The following MAGI2 variants were observed in gnomAD, a reference collection of about 807,000 sequenced individuals.
The protein encoded by MAGI2 is membrane-associated guanylate kinase, WW and PDZ domain-containing protein 2.
Under a neutral mutation model 133.3 loss-of-function variants are expected in MAGI2, and 35 were observed. The observed-to-expected ratio is 0.26, with a 90% CI of 0.20 to 0.35. MAGI2 has a LOEUF of 0.35. Among genes scored for constraint, MAGI2 ranks in the 10% least tolerant of loss-of-function variants. The pLI, the probability that MAGI2 is intolerant of heterozygous loss-of-function variation, is 1.00. For missense variants in MAGI2, 1,636 were observed against 1,863.4 expected, an observed-to-expected ratio of 0.88 and a Z score of 2.25; for synonymous variants, 729 against 710.6, an observed-to-expected ratio of 1.03 and a Z score of -0.41.
At chr7:78,538,485 G>T (rs1007327165) in intron 3 of MAGI2, among the ~76,000 whole-genome samples, 1 of 152,182 alleles carries the variant, frequency 6.6e-6, no homozygotes, top group African/African-American at 2.4e-5. Context: ...ATTCATTTGT[G>T]TTGTCCATGA....
intron 21 of MAGI2, chr7:78,073,055 T>C (rs1446965510): frequency 1.0e-5 from 4 of 397,790 alleles, no homozygotes; most frequent in Non-Finnish European, 1.3e-5. Flanking sequence ...CTAATATAAT[T>C]GTTGTAAGTC....
intron 1 of MAGI2, among the ~76,000 whole-genome samples, chr7:79,086,468 C>T (rs112095760): frequency 0.036 from 5,515 of 151,976 alleles, 216 homozygotes; most frequent in African/African-American, 0.098. Flanking sequence ...TGGCACAAAA[C>T]TCACTGTTCT....
At chr7:79,363,637 A>AG (rs1325390755) in intron 1 of MAGI2, among the ~76,000 whole-genome samples, 5 of 151,250 alleles carry the variant, frequency 3.3e-5, no homozygotes, top group Admixed American at 2.6e-4. Flanking sequence ...TCCTTGACAT[A>AG]GGACTAGTAA....
chr7:79,135,286 T>C (rs977172), intron 1 of MAGI2, among the ~76,000 whole-genome samples: 4,361 of 152,270 alleles, frequency 0.029, 79 homozygotes, highest in Middle Eastern at 0.044. Context: ...CAATATTATT[T>C]TGAAGTAAAT....
At chr7:78,598,416 A>G (rs1804844841) in intron 3 of MAGI2, among the ~76,000 whole-genome samples, 1 of 152,016 alleles carries the variant, frequency 6.6e-6, no homozygotes, top group African/African-American at 2.4e-5. Context: ...GAGTTATGAG[A>G]GGGCATGGCC....
At chr7:78,034,501 G>A (rs1235519394) in intron 21 of MAGI2, among the ~76,000 whole-genome samples, 1 of 152,008 alleles carries the variant, frequency 6.6e-6, no homozygotes, top group Non-Finnish European at 1.5e-5. Flanking sequence ...CTTGAAAAGA[G>A]GAAAAAACCA....
chr7:78,883,774 A>G (rs911854961), intron 2 of MAGI2, among the ~76,000 whole-genome samples: 1 of 152,212 alleles, frequency 6.6e-6, no homozygotes, highest in African/African-American at 2.4e-5. Flanking sequence ...CTATTTAATA[A>G]CTGGTGCTGG....
intron 2 of MAGI2, among the ~76,000 whole-genome samples, chr7:78,934,021 T>G (rs1435303385): frequency 6.6e-6 from 1 of 152,162 alleles, no homozygotes; most frequent in African/African-American, 2.4e-5. Flanking sequence ...AGCCTGCCAT[T>G]GTCTGTTGTT....
intron 2 of MAGI2, among the ~76,000 whole-genome samples, chr7:78,856,094 G>T (rs1388372012): frequency 6.6e-6 from 1 of 152,058 alleles, no homozygotes; most frequent in Non-Finnish European, 1.5e-5. Flanking sequence ...GTTTTTGATG[G>T]GGTTGTTTGA....
chr7:79,367,858 C>CATATATATATATATATATATATATAT (rs367920302), intron 1 of MAGI2, among the ~76,000 whole-genome samples: 2,722 of 86,268 alleles, frequency 0.032, 229 homozygotes, highest in African/African-American at 0.048. Flanking sequence ...ATATATGTGA[C>CATATATATATATATATATATATATAT]ATATATATAT....
chr7:78,208,285 T>A (rs1440662817), intron 10 of MAGI2, among the ~76,000 whole-genome samples: 1 of 152,156 alleles, frequency 6.6e-6, no homozygotes, highest in Non-Finnish European at 1.5e-5. Flanking sequence ...CTGGCTTTGT[T>A]CCTTATGGAG....
At chr7:79,086,115 T>C (rs769946331) in intron 1 of MAGI2, among the ~76,000 whole-genome samples, 11 of 151,932 alleles carry the variant, frequency 7.2e-5, no homozygotes, top group Non-Finnish European at 1.2e-4. Context: ...CTGTCTCTCA[T>C]TATCTCTATT....
intron 6 of MAGI2, among the ~76,000 whole-genome samples, chr7:78,449,001 A>G (rs1788442486): frequency 6.6e-6 from 1 of 152,074 alleles, no homozygotes; most frequent in Admixed American, 6.6e-5. Context: ...AGGGCATCTG[A>G]TCTGGCTTAA....
intron 2 of MAGI2, among the ~76,000 whole-genome samples, chr7:78,828,879 T>C (rs1056488125): frequency 6.6e-6 from 1 of 152,164 alleles, no homozygotes; most frequent in Non-Finnish European, 1.5e-5. Context: ...AGTAACAATA[T>C]AAAATTGGTT....
intron 1 of MAGI2, among the ~76,000 whole-genome samples, chr7:79,382,715 G>A (rs777343983): frequency 1.4e-4 from 21 of 151,448 alleles, no homozygotes; most frequent in African/African-American, 2.9e-4. Flanking sequence ...ATAAATATAC[G>A]TTGACAATAT....
chr7:78,318,088 A>G (rs111890796), intron 9 of MAGI2, among the ~76,000 whole-genome samples: 34,062 of 152,096 alleles, frequency 0.22, 5,062 homozygotes, highest in African/African-American at 0.4. Flanking sequence ...ACAACTCCTC[A>G]CCAGCAAGGG....
At chr7:78,192,102 C>T (rs970756250) in intron 12 of MAGI2, among the ~76,000 whole-genome samples, 1 of 152,108 alleles carries the variant, frequency 6.6e-6, no homozygotes, top group Admixed American at 6.5e-5. Context: ...ATCTCTTTAG[C>T]TTTAGACCTG....
chr7:78,720,773 T>G lies in MAGI2; in HGVS notation c.419-93534A>C, dbSNP rs7341426. 9.5e-3 allele frequency among the ~76,000 whole-genome samples: 1,453 copies of G among 152,216 alleles called. 26 individuals are homozygous for G. Among genetic ancestry groups the G allele is most frequent in the African/African-American group, 0.033 (1,384 of 41,576 alleles). On this transcript the variant is annotated intron_variant, in intron 2 of 21. Transcript: ENST00000354212. ...AAGTTGAGAAAAAATCATCTTTTCC[T>G]TCATCAGAAAACCAAATAATCAACT...
chr7:79,084,175 G>A (rs1327830289), intron 1 of MAGI2, among the ~76,000 whole-genome samples: 1 of 151,422 alleles, frequency 6.6e-6, no homozygotes, highest in Non-Finnish European at 1.5e-5. Flanking sequence ...ATGTTCATTA[G>A]TTCCTTTCTT....
Sources: gnomAD v4.1 joint callset for allele counts (sites outside exome capture counted in the v4.1 genomes callset) on GRCh38, gnomAD v4.1.1 for gene constraint, MANE v1.5 for transcripts, NCBI Gene and HGNC (gene_info 2026-07-23, HGNC 2026-07-21) for gene names.